CNTLN: variants seen among roughly 807,000 people sequenced by gnomAD.
CNTLN encodes the protein centlein.
Under a neutral mutation model 180.0 loss-of-function variants are expected in CNTLN, and 212 were observed. The ratio of observed to expected loss-of-function variants is 1.18; its 90% CI spans 1.05 to 1.32. The LOEUF is 1.32. Ranked by LOEUF, CNTLN falls within the 40% of genes most tolerant of loss-of-function variation. The pLI, the probability that CNTLN is intolerant of heterozygous loss-of-function variation, is 0.00. For missense variants in CNTLN, 2,095 were observed against 1,610.9 expected, an observed-to-expected ratio of 1.30 and a Z score of -5.14; for synonymous variants, 722 against 563.1, an observed-to-expected ratio of 1.28 and a Z score of -3.99.
chr9:17,182,525 C>G (rs975901901), intron 2 of CNTLN, among the ~76,000 whole-genome samples: 1 of 152,058 alleles, frequency 6.6e-6, no homozygotes, highest in Non-Finnish European at 1.5e-5. Context: ...ACTTCTAATC[C>G]ATTTTCCTGG....
At chr9:17,388,886 A>G (rs1229087321) in intron 14 of CNTLN, among the ~76,000 whole-genome samples, 1 of 151,880 alleles carries the variant, frequency 6.6e-6, no homozygotes, top group Non-Finnish European at 1.5e-5. Context: ...TTGCATTTTT[A>G]TAAATAAATA....
At chr9:17,318,081 C>G (rs1402071601) in intron 8 of CNTLN, among the ~76,000 whole-genome samples, 1 of 148,700 alleles carries the variant, frequency 6.7e-6, no homozygotes, top group African/African-American at 2.5e-5. Context: ...AGGCTGGAGT[C>G]CAGTGGCATA....
In CNTLN at chr9:17,366,569, T is replaced by A. The variant is rs79261176; in HGVS notation, c.1887-48T>A. On this transcript the variant is annotated intron_variant, in intron 12 of 25. Transcript: ENST00000380647. Reference sequence around the variant, plus strand: ...TTTAAATGTATATGTTTGATTTTTTTAAATAAAACAATATGGTTTTAAGTA... The same window carrying A: ...TTTAAATGTATATGTTTGATTTTTTAAAATAAAACAATATGGTTTTAAGTA... 2.9e-3 allele frequency: 2,658 copies of A among 902,800 alleles called. 56 individuals are homozygous for A. In the African/African-American group the frequency reaches 0.04, roughly 14 times the overall value. The allele number at this position is 902,800 out of a possible 1,614,324, so 55.9% of individuals were successfully genotyped here.
At chr9:17,177,340 C>T (rs908654623) in intron 2 of CNTLN, among the ~76,000 whole-genome samples, 3 of 151,888 alleles carry the variant, frequency 2.0e-5, no homozygotes, top group Non-Finnish European at 2.9e-5. Flanking sequence ...ACCCGGGAGG[C>T]GGAGCTTGCA....
intron 12 of CNTLN, among the ~76,000 whole-genome samples, chr9:17,360,853 G>C (rs1823321436): frequency 6.6e-6 from 1 of 152,122 alleles, no homozygotes; most frequent in East Asian, 1.9e-4. Context: ...GTCTTATCTT[G>C]TTGAATGTTC....
At chr9:17,344,134 A>C (rs374068591) in intron 12 of CNTLN, among the ~76,000 whole-genome samples, 3 of 131,768 alleles carry the variant, frequency 2.3e-5, no homozygotes, top group East Asian at 2.6e-4. Flanking sequence ...GATTACCTAT[A>C]AATGATTGAT....
intron 1 of CNTLN, among the ~76,000 whole-genome samples, chr9:17,137,913 A>C (rs182743062): frequency 2.6e-5 from 4 of 152,356 alleles, no homozygotes; most frequent in African/African-American, 7.2e-5. Flanking sequence ...ACTTTAAAAA[A>C]ATATGGCCCC....
chr9:17,404,563 T>G (rs1396991288), intron 15 of CNTLN, among the ~76,000 whole-genome samples: 1 of 151,634 alleles, frequency 6.6e-6, no homozygotes, highest in Non-Finnish European at 1.5e-5. Context: ...TCCCAATTAT[T>G]GAGGTAAAAT....
At chr9:17,423,688 G>A (rs1193241514) in intron 18 of CNTLN, among the ~76,000 whole-genome samples, 2 of 152,126 alleles carry the variant, frequency 1.3e-5, no homozygotes. Context: ...TAGTTAGCTG[G>A]TAGTGGAGCT....
At chr9:17,498,342 G>A (rs1032441923) in intron 25 of CNTLN, among the ~76,000 whole-genome samples, 5 of 152,084 alleles carry the variant, frequency 3.3e-5, no homozygotes, top group Non-Finnish European at 2.9e-5. Flanking sequence ...CACCTCTAAA[G>A]GAAGCCACAA....
intron 6 of CNTLN, among the ~76,000 whole-genome samples, chr9:17,287,487 G>A (rs1259854645): frequency 6.6e-6 from 1 of 150,964 alleles, no homozygotes; most frequent in Non-Finnish European, 1.5e-5. Flanking sequence ...TTGTGTCTCT[G>A]CCCGGCTTTG....
intron 25 of CNTLN, among the ~76,000 whole-genome samples, chr9:17,489,537 G>C (rs1222234698): frequency 6.6e-6 from 1 of 151,854 alleles, no homozygotes; most frequent in Non-Finnish European, 1.5e-5. Context: ...TCTTTTGTTT[G>C]ATTGGGCCAC....
At chr9:17,461,064 G>A (rs1050431590) in intron 19 of CNTLN, among the ~76,000 whole-genome samples, 4 of 151,272 alleles carry the variant, frequency 2.6e-5, no homozygotes, top group Admixed American at 6.6e-5. Context: ...ATTTAGAGGA[G>A]CGATAAGTAG....
intron 15 of CNTLN, among the ~76,000 whole-genome samples, chr9:17,405,414 G>A (rs1384466138): frequency 6.6e-6 from 1 of 151,722 alleles, no homozygotes; most frequent in Non-Finnish European, 1.5e-5. Flanking sequence ...GGTTGAGAGC[G>A]CCACATTTGA....
chr9:17,247,882 A>C (rs949809959), intron 5 of CNTLN, among the ~76,000 whole-genome samples: 1 of 137,946 alleles, frequency 7.2e-6, no homozygotes, highest in Admixed American at 7.9e-5. Flanking sequence ...GCCAGGCTAG[A>C]GTGTGGTGGG....
chr9:17,414,551 A>T lies in CNTLN; in HGVS notation c.2797-1237A>T, dbSNP rs148471134. On this transcript the variant is annotated intron_variant, in intron 16 of 25. Transcript: ENST00000380647. The stretch of plus-strand genomic sequence containing the variant: ...ATTAAAAATTTATATGCCAGTTCTG[A>T]AGATAAGCTTAAATGAAGCATTTCA... 3.5e-4 allele frequency among the ~76,000 whole-genome samples: 53 copies of T among 152,288 alleles called. 1 individual carries two copies. The highest frequency in any genetic ancestry group is 1.2e-3 in the African/African-American group (50 of 41,562).
At chr9:17,164,457 G>GTTTTTTTTTTT (rs772109564) in intron 2 of CNTLN, among the ~76,000 whole-genome samples, 6 of 68,456 alleles carry the variant, frequency 8.8e-5, no homozygotes, top group African/African-American at 1.2e-4. Flanking sequence ...TTATTTTTAT[G>GTTTTTTTTTTT]TTTTTTTTTT....
At chr9:17,328,459 C>T (rs1453117592) in intron 8 of CNTLN, among the ~76,000 whole-genome samples, 2 of 152,168 alleles carry the variant, frequency 1.3e-5, no homozygotes, top group African/African-American at 4.8e-5. Flanking sequence ...AGTTGAGCGG[C>T]AACTGCCCTG....
intron 5 of CNTLN, among the ~76,000 whole-genome samples, chr9:17,261,029 C>G (rs921082739): frequency 6.6e-6 from 1 of 151,130 alleles, no homozygotes. Flanking sequence ...TTCCATTGGT[C>G]TCTGTGTCTG....
Sources: gnomAD v4.1 joint callset for allele counts (sites outside exome capture counted in the v4.1 genomes callset) on GRCh38, gnomAD v4.1.1 for gene constraint, MANE v1.5 for transcripts, NCBI Gene and HGNC (gene_info 2026-07-23, HGNC 2026-07-21) for gene names.